Variants in TPD52L1 observed in about 807,000 individuals in gnomAD.
The protein encoded by TPD52L1 is tumor protein D53.
Under a neutral mutation model 28.7 loss-of-function variants are expected in TPD52L1, and 18 were observed. The observed-to-expected ratio is 0.63, with a 90% CI of 0.43 to 0.93. The LOEUF is 0.93. Among genes scored for constraint, TPD52L1 ranks in the 40% least tolerant of loss-of-function variants. TPD52L1 has a pLI of 0.00. For synonymous variants in TPD52L1, 75 were observed against 88.8 expected (o/e 0.84, Z 0.88); for missense variants, 203 against 254.8 (o/e 0.80, Z 1.39).
At chr6:125,208,617 G>C (rs1794317261) in intron 1 of TPD52L1, among the ~76,000 whole-genome samples, 2 of 152,100 alleles carry the variant, frequency 1.3e-5, no homozygotes, top group African/African-American at 4.8e-5. Context: ...GGTGGCTCCA[G>C]GCACAGTAAG....
intron 1 of TPD52L1, among the ~76,000 whole-genome samples, chr6:125,162,405 T>C (rs1790580663): frequency 6.6e-6 from 1 of 152,240 alleles, no homozygotes; most frequent in Admixed American, 6.5e-5. Flanking sequence ...CAAAAACTTA[T>C]AAGCAAAGGA....
chr6:125,212,915 T>A (rs1794615010), intron 1 of TPD52L1, among the ~76,000 whole-genome samples: 1 of 152,216 alleles, frequency 6.6e-6, no homozygotes, highest in Non-Finnish European at 1.5e-5. Flanking sequence ...CCTACCTGTT[T>A]TCCACAGACC....
At chr6:125,174,189 C>A (rs968053730) in intron 1 of TPD52L1, among the ~76,000 whole-genome samples, 4 of 152,144 alleles carry the variant, frequency 2.6e-5, no homozygotes, top group African/African-American at 9.7e-5. Flanking sequence ...ATTCATTTAT[C>A]AATTTCTCAT....
At chr6:125,197,731 T>C (rs1036508153) in intron 1 of TPD52L1, among the ~76,000 whole-genome samples, 2 of 151,842 alleles carry the variant, frequency 1.3e-5, no homozygotes, top group African/African-American at 4.8e-5. Flanking sequence ...AGGTGAGGGG[T>C]TGCCCCATCC....
intron 6 of TPD52L1, chr6:125,261,293 G>C (rs1332306667): frequency 6.6e-6 from 1 of 152,118 alleles, no homozygotes; most frequent in African/African-American, 2.4e-5. Flanking sequence ...AGCGAAGTGT[G>C]TTTTGTAATG....
At chr6:125,220,013 G>A in intron 1 of TPD52L1, 65 bp from the exon 2 acceptor site, 1 of 1,162,000 alleles carries the variant, frequency 8.6e-7, no homozygotes, top group South Asian at 1.2e-5. Context: ...TCCACACTAT[G>A]GAAGCAGAAG....
chr6:125,240,426 T>C (rs1392396778), intron 3 of TPD52L1, among the ~76,000 whole-genome samples: 4 of 152,196 alleles, frequency 2.6e-5, no homozygotes, highest in Non-Finnish European at 4.4e-5. Context: ...AGTATGGTCA[T>C]TTTTACAATA....
intron 2 of TPD52L1, among the ~76,000 whole-genome samples, chr6:125,221,086 A>T (rs918218199): frequency 1.3e-5 from 2 of 152,048 alleles, no homozygotes; most frequent in Non-Finnish European, 2.9e-5. Flanking sequence ...TCCACTCTGA[A>T]CTCTGAGTTC....
At chr6:125,193,962 A>G (rs1456685941) in intron 1 of TPD52L1, among the ~76,000 whole-genome samples, 2 of 151,508 alleles carry the variant, frequency 1.3e-5, no homozygotes, top group African/African-American at 2.4e-5. Context: ...TTATAGATCA[A>G]GTCTCTTCAA....
chr6:125,190,268 T>G (rs1792944411), intron 1 of TPD52L1, among the ~76,000 whole-genome samples: 1 of 152,186 alleles, frequency 6.6e-6, no homozygotes, highest in Admixed American at 6.5e-5. Flanking sequence ...CAGACCCAAA[T>G]GAAGCCGACC....
intron 1 of TPD52L1, among the ~76,000 whole-genome samples, chr6:125,176,955 T>A (rs1791861315): frequency 6.6e-6 from 1 of 152,112 alleles, no homozygotes; most frequent in South Asian, 2.1e-4. Context: ...GGAGGATCAC[T>A]TGAGCCTAGG....
intron 2 of TPD52L1, 37 bp from the exon 3 acceptor site, chr6:125,229,081 T>C: frequency 6.3e-6 from 10 of 1,599,552 alleles, no homozygotes; most frequent in African/African-American, 1.3e-5. Context: ...TTTGCTGGTC[T>C]GACATTTTCC....
At chr6:125,183,216 A>C (rs1475123088) in intron 1 of TPD52L1, among the ~76,000 whole-genome samples, 1 of 152,030 alleles carries the variant, frequency 6.6e-6, no homozygotes, top group African/African-American at 2.4e-5. Context: ...GGTGGCTCAC[A>C]CCTATAATCC....
At chr6:125,237,827 G>C (rs767253615) in intron 3 of TPD52L1, among the ~76,000 whole-genome samples, 1 of 132,588 alleles carries the variant, frequency 7.5e-6, no homozygotes, top group East Asian at 2.3e-4. Flanking sequence ...GTTTTGTTTT[G>C]TTTTGCTTTT....
chr6:125,227,578 C>A (rs1035166545), intron 2 of TPD52L1, among the ~76,000 whole-genome samples: 1 of 152,176 alleles, frequency 6.6e-6, no homozygotes, highest in Non-Finnish European at 1.5e-5. Context: ...AGTTTTATTA[C>A]CTCCATGCAT....
In TPD52L1 at chr6:125,229,282, A is replaced by G; in HGVS notation, c.284+16A>G. 6.3e-7 allele frequency: 1 copy of G among 1,597,054 alleles called. No homozygotes were observed. The highest frequency in any genetic ancestry group is 1.1e-5 in the South Asian group (1 of 88,124). On this transcript the variant is annotated intron_variant, in intron 3 of 6. Transcript: ENST00000534000. ...CTACCACTGCGTAAGTATCATATGA[A>G]CAGTGTTTTATTAACTCAGCCTGAT... is the stretch of plus-strand genomic sequence containing the variant.
intron 3 of TPD52L1, among the ~76,000 whole-genome samples, chr6:125,237,117 G>A (rs1032304359): frequency 1.3e-5 from 2 of 152,100 alleles, no homozygotes; most frequent in Admixed American, 6.5e-5. Flanking sequence ...AATGAGAGGG[G>A]ACCAGACTGT....
At chr6:125,230,888 T>C (rs1795909723) in intron 3 of TPD52L1, among the ~76,000 whole-genome samples, 1 of 152,158 alleles carries the variant, frequency 6.6e-6, no homozygotes, top group South Asian at 2.1e-4. Flanking sequence ...CCCAACCTAA[T>C]GATGACAATT....
Position 125,254,749 on chromosome 6 carries a change from GGTCATTTGCAGTGCTAAAAAA to G in TPD52L1, c.425+997_425+1017del, listed in dbSNP as rs547470153. ...TGTCATGAAGAGAAATTCTTCCTAG[GGTCATTTGCAGTGCTAAAAAA>G]GTTTGTACATCTGATTAAATCTTAT... On this transcript the variant is annotated intron_variant, in intron 5 of 6. Coordinates refer to ENST00000534000, the MANE Select transcript of TPD52L1 (RefSeq NM_003287.4). 9.9e-4 allele frequency among the ~76,000 whole-genome samples: 150 copies of G among 152,098 alleles called. 1 individual carries two copies. The East Asian group carries it at 0.015, about 15-fold the overall frequency.
Sources: allele counts gnomAD v4.1 joint callset (sites outside exome capture counted in the v4.1 genomes callset), GRCh38; gene constraint gnomAD v4.1.1; transcripts MANE v1.5; gene names NCBI Gene and HGNC (gene_info 2026-07-23, HGNC 2026-07-21).